The following BICD1 variants were observed in gnomAD, a reference collection of about 807,000 sequenced individuals.
BICD1 encodes the protein protein bicaudal D homolog 1.
In BICD1, 35 loss-of-function variants were observed where a neutral mutation model predicts 92.5. The ratio of observed to expected loss-of-function variants is 0.38; its 90% CI spans 0.29 to 0.50. BICD1 has a LOEUF of 0.50. Among genes scored for constraint, BICD1 ranks in the 20% least tolerant of loss-of-function variants. The probability of loss-of-function intolerance (pLI) is 0.93; values close to 1 mark genes in which losing one functional copy is unlikely to be tolerated. For synonymous variants in BICD1, 429 were observed against 465.1 expected, an observed-to-expected ratio of 0.92 and a Z score of 1.00; for missense variants, 950 against 1,189.8, an observed-to-expected ratio of 0.80 and a Z score of 2.97.
Position 32,305,931 on chromosome 12 carries a change from T to C in BICD1, c.814T>C (p.Phe272Leu), listed in dbSNP as rs546702617. Reference protein sequence around the residue: ...HISISVDGLKFAEDGSEPNND... With the variant: ...HISISVDGLKLAEDGSEPNND... ...CAGCATCTCAGTAGATGGACTCAAA[T>C]TTGCCGAGGATGGGAGTGAACCAAA... The change falls in exon 4 of 10, where the codon TTT becomes CTT. Residue 272 changes from phenylalanine to leucine, a missense_variant. By Grantham distance (22) the Phe-to-Leu change is conservative. Transcript: ENST00000652176. 1.2e-6 allele frequency: 2 copies of C among 1,614,154 alleles called. No individual in the cohort carries two copies. The highest frequency in any genetic ancestry group is 2.7e-5 in the African/African-American group (2 of 75,036).
At position 32,190,795 on chromosome 12, in the gene BICD1, G is replaced by GT. The variant is rs138576788; in HGVS notation, c.214-25447dup. 4.3e-3 allele frequency among the ~76,000 whole-genome samples: 662 copies of GT among 152,236 alleles called. 3 individuals carry two copies. The highest frequency in any genetic ancestry group is 0.015 in the African/African-American group (631 of 41,516). On this transcript the variant is annotated intron_variant, in intron 1 of 9. Transcript: ENST00000652176. Reference sequence around the variant, plus strand: ...CTCATCCAATAGCAGCAGAATACACGTTTTTCTCAAGGACGCTTGGAACAT... The same window carrying GT: ...CTCATCCAATAGCAGCAGAATACACGTTTTTTCTCAAGGACGCTTGGAACAT...
At chr12:32,330,352 C>G (rs1417537188) in intron 5 of BICD1, among the ~76,000 whole-genome samples, 40 of 146,746 alleles carry the variant, frequency 2.7e-4, no homozygotes, top group Admixed American at 2.5e-3. Context: ...CAAGTTCTCG[C>G]TCATAGGTGG....
intron 2 of BICD1, among the ~76,000 whole-genome samples, chr12:32,239,480 C>A (rs1946174287): frequency 6.8e-6 from 1 of 147,690 alleles, no homozygotes; most frequent in Admixed American, 6.7e-5. Context: ...GCAGGAGAAT[C>A]ACTTGAACCC....
At chr12:32,148,941 A>T (rs1276417075) in intron 1 of BICD1, among the ~76,000 whole-genome samples, 3 of 150,950 alleles carry the variant, frequency 2.0e-5, no homozygotes, top group African/African-American at 7.3e-5. Context: ...AATCACTTGA[A>T]CCCGGGAGGT....
At chr12:32,369,556 G>GT (rs1236322062) in intron 9 of BICD1, among the ~76,000 whole-genome samples, 1 of 152,250 alleles carries the variant, frequency 6.6e-6, no homozygotes, top group Non-Finnish European at 1.5e-5. Context: ...AGAGGCGGTT[G>GT]TGCAGCCAGC....
In BICD1 at chr12:32,305,921, T is replaced by C. The variant is rs1170984364; in HGVS notation, c.804T>C (p.Asp268=). ...ATAACCATATCAGCATCTCAGTAGA[T>C]GGACTCAAATTTGCCGAGGATGGGA... ...LNDNHISISV[D]GLKFAEDGSE... Residue 268 remains aspartate, a synonymous_variant, in exon 4 of 10, where the codon GAT becomes GAC. Coordinates refer to ENST00000652176, the MANE Select transcript of BICD1 (RefSeq NM_001714.4). 3.7e-6 allele frequency: 6 copies of C among 1,614,210 alleles called. No homozygotes were observed. The East Asian group carries it at 1.3e-4, about 36-fold the overall frequency.
At chr12:32,334,378 A>G (rs1394410183) in intron 5 of BICD1, 138 bp from the exon 6 acceptor site, 1 of 877,702 alleles carries the variant, frequency 1.1e-6, no homozygotes, top group Non-Finnish European at 1.6e-6. Flanking sequence ...CAAAGCGCAT[A>G]CCTATGTTTA....
intron 2 of BICD1, among the ~76,000 whole-genome samples, chr12:32,226,744 C>T (rs1441682433): frequency 6.6e-6 from 1 of 152,122 alleles, no homozygotes; most frequent in East Asian, 1.9e-4. Context: ...GTTGAGAAGC[C>T]CCTTCTAGAT....
intron 4 of BICD1, among the ~76,000 whole-genome samples, chr12:32,322,569 T>C (rs1313554111): frequency 1.3e-5 from 2 of 152,218 alleles, no homozygotes; most frequent in Non-Finnish European, 2.9e-5. Flanking sequence ...TCCTGCTGTG[T>C]GGCCTGGTTC....
intron 8 of BICD1, among the ~76,000 whole-genome samples, chr12:32,357,625 G>A (rs984878652): frequency 7.2e-5 from 11 of 152,096 alleles, no homozygotes; most frequent in African/African-American, 1.9e-4. Context: ...CTGGAGGCCC[G>A]AAGTTCAAAA....
intron 4 of BICD1, among the ~76,000 whole-genome samples, chr12:32,326,989 C>A (rs1948792814): frequency 6.6e-6 from 1 of 152,090 alleles, no homozygotes; most frequent in African/African-American, 2.4e-5. Flanking sequence ...GGAGTTAAAG[C>A]CTTAGGTTTT....
chr12:32,188,284 C>T (rs908348981), intron 1 of BICD1, among the ~76,000 whole-genome samples: 3 of 152,122 alleles, frequency 2.0e-5, no homozygotes, highest in Non-Finnish European at 2.9e-5. Context: ...AGTAGAATAT[C>T]TTAGTATGTA....
At chr12:32,239,795 A>G (rs112763655) in intron 2 of BICD1, among the ~76,000 whole-genome samples, 19,051 of 151,520 alleles carry the variant, frequency 0.13, 1,984 homozygotes, top group African/African-American at 0.28. Flanking sequence ...TTTAGTAGAG[A>G]TGGGGTTTCA....
intron 1 of BICD1, among the ~76,000 whole-genome samples, chr12:32,161,696 T>C (rs1943607461): frequency 1.3e-5 from 2 of 152,192 alleles, no homozygotes; most frequent in South Asian, 4.1e-4. Context: ...ATAATCAGAA[T>C]TGAATTCATA....
Position 32,378,731 on chromosome 12 carries a change from G to GT in BICD1, c.*1111dup, listed in dbSNP as rs922466295. On this transcript the variant is annotated 3_prime_UTR_variant, in exon 10 of 10. Coordinates refer to ENST00000652176, the MANE Select transcript of BICD1 (RefSeq NM_001714.4). ...AAAATTGTATGTTTTGTTGTTGTTA[G>GT]TTTTTTTCATAACGAATCTTCCTTG... is the stretch of plus-strand genomic sequence containing the variant. 3 of 151,916 alleles carry GT rather than the reference G, an allele frequency of 2.0e-5. No individual in the cohort carries two copies. Among genetic ancestry groups the GT allele is most frequent in the South Asian group, 4.1e-4 (2 of 4,830 alleles). 9.4% of individuals were successfully genotyped at this position (151,916 alleles called of 1,614,324 possible).
At chr12:32,125,689 G>A (rs1254670253) in intron 1 of BICD1, among the ~76,000 whole-genome samples, 1 of 152,094 alleles carries the variant, frequency 6.6e-6, no homozygotes, top group Non-Finnish European at 1.5e-5. Flanking sequence ...TGAATGAGTC[G>A]ACTACTTGGT....
At chr12:32,214,681 A>G in intron 1 of BICD1, among the ~76,000 whole-genome samples, 1 of 152,184 alleles carries the variant, frequency 6.6e-6, no homozygotes, top group Non-Finnish European at 1.5e-5. Context: ...CAACAAGACT[A>G]TATAGCATCC....
intron 1 of BICD1, among the ~76,000 whole-genome samples, chr12:32,126,408 C>T (rs61926884): frequency 0.1 from 15,514 of 151,732 alleles, 989 homozygotes; most frequent in Non-Finnish European, 0.15. Context: ...TCTTTGAAGA[C>T]ACTCGCTATC....
chr12:32,158,905 G>A (rs948234416), intron 1 of BICD1, among the ~76,000 whole-genome samples: 1 of 152,128 alleles, frequency 6.6e-6, no homozygotes, highest in Admixed American at 6.5e-5. Flanking sequence ...TGAAAGGGGG[G>A]CCAATAACTT....
Sources: allele counts gnomAD v4.1 joint callset (sites outside exome capture counted in the v4.1 genomes callset), GRCh38; gene constraint gnomAD v4.1.1; transcripts MANE v1.5; gene names NCBI Gene and HGNC (gene_info 2026-07-23, HGNC 2026-07-21).